Variants in BST1 observed in about 807,000 individuals in gnomAD.
BST1 encodes ADP-ribosyl cyclase/cyclic ADP-ribose hydrolase 2.
In BST1, 49 loss-of-function variants were observed where a neutral mutation model predicts 40.6. That is an observed-to-expected ratio of 1.21 (90% CI 0.96 to 1.53). The LOEUF (loss-of-function observed/expected upper bound fraction) is 1.53. Among genes scored for constraint, BST1 ranks in the 40% most tolerant of loss-of-function variants. The pLI is 0.00. For synonymous variants in BST1, 157 were observed against 159.3 expected, an observed-to-expected ratio of 0.99 and a Z score of 0.11; for missense variants, 423 against 395.9, an observed-to-expected ratio of 1.07 and a Z score of -0.58.
intron 2 of BST1, among the ~76,000 whole-genome samples, chr4:15,706,098 AC>A (rs761135394): frequency 5.9e-5 from 9 of 152,046 alleles, no homozygotes; most frequent in Admixed American, 2.0e-4. Flanking sequence ...GGGGAAATCC[AC>A]CCCCATAATC....
the BST1 span, among the ~76,000 whole-genome samples, chr4:15,760,799 C>T: frequency 1.3e-5 from 2 of 150,966 alleles, no homozygotes; most frequent in African/African-American, 4.9e-5. Flanking sequence ...GGTGATCCTC[C>T]TACTTCAGCC....
chr4:15,703,953 T>TGG (rs1719721868), intron 1 of BST1, among the ~76,000 whole-genome samples: 4 of 143,968 alleles, frequency 2.8e-5, no homozygotes, highest in South Asian at 2.3e-4. Flanking sequence ...GGTGTGTGTG[T>TGG]TCTAGAAGTG....
At chr4:15,707,808 T>G (rs1316205020) in intron 3 of BST1, among the ~76,000 whole-genome samples, 162 bp downstream of exon 3, 5 of 150,200 alleles carry the variant, frequency 3.3e-5, no homozygotes, top group Non-Finnish European at 7.4e-5. Flanking sequence ...TAGAGAATAC[T>G]TAACTTTGCA....
chr4:15,712,803 C>T (rs896571433), intron 4 of BST1, among the ~76,000 whole-genome samples: 4 of 152,186 alleles, frequency 2.6e-5, no homozygotes, highest in African/African-American at 9.7e-5. Context: ...ACCATTTGCT[C>T]CCACTACCTG....
At chr4:15,725,738 C>T (rs1721059168) in intron 8 of BST1, among the ~76,000 whole-genome samples, 1 of 152,132 alleles carries the variant, frequency 6.6e-6, no homozygotes, top group South Asian at 2.1e-4. Context: ...GTAGTAAGCA[C>T]TCTGTTCTTA....
At chr4:15,718,340 C>T (rs1720624583) in intron 6 of BST1, among the ~76,000 whole-genome samples, 3 of 151,978 alleles carry the variant, frequency 2.0e-5, no homozygotes, top group Admixed American at 6.6e-5. Context: ...AGCAGAGACC[C>T]TTTGCTTTAT....
downstream of BST1, among the ~76,000 whole-genome samples, chr4:15,740,775 C>A (rs965892222): frequency 3.3e-5 from 5 of 152,054 alleles, no homozygotes; most frequent in African/African-American, 1.2e-4. Flanking sequence ...TATTTACAAG[C>A]CAAACTATCC....
the BST1 span, among the ~76,000 whole-genome samples, chr4:15,745,667 A>G: frequency 2.8e-4 from 42 of 152,304 alleles, no homozygotes; most frequent in African/African-American, 1.0e-3. Context: ...TGCCTTCAAA[A>G]TCCAGAGAAA....
chr4:15,705,785 G>C (rs904150745), intron 2 of BST1, 144 bp downstream of exon 2: 4 of 1,093,888 alleles, frequency 3.7e-6, no homozygotes, highest in Non-Finnish European at 5.3e-6. Flanking sequence ...TGTGTGCTGA[G>C]CTCTCTGTGG....
the BST1 span, among the ~76,000 whole-genome samples, chr4:15,758,455 T>C: frequency 6.6e-6 from 1 of 152,194 alleles, no homozygotes; most frequent in Non-Finnish European, 1.5e-5. Context: ...TATCCTAAGC[T>C]ACATCTTTTG....
intron 6 of BST1, among the ~76,000 whole-genome samples, chr4:15,718,459 A>T (rs1292327633): frequency 6.6e-6 from 1 of 152,182 alleles, no homozygotes; most frequent in Non-Finnish European, 1.5e-5. Context: ...ATTTTTTAAA[A>T]TTTTTGTTTA....
chr4:15,748,979 C>T, the BST1 span, among the ~76,000 whole-genome samples: 6 of 152,282 alleles, frequency 3.9e-5, no homozygotes, highest in South Asian at 1.2e-3. Flanking sequence ...GGGAGGGAAG[C>T]AGCCCATAAA....
chr4:15,733,337 G>T (rs1721454237), downstream of BST1, among the ~76,000 whole-genome samples: 1 of 150,408 alleles, frequency 6.6e-6, no homozygotes, highest in South Asian at 2.1e-4. Flanking sequence ...GTGCTGACTG[G>T]TGCATTTACA....
chr4:15,724,829 A>G (rs1219424887), intron 8 of BST1, among the ~76,000 whole-genome samples: 1 of 152,192 alleles, frequency 6.6e-6, no homozygotes, highest in Non-Finnish European at 1.5e-5. Context: ...GTTCATGGCT[A>G]TCAAGAATAA....
intron 6 of BST1, among the ~76,000 whole-genome samples, chr4:15,716,686 C>G (rs180840813): frequency 6.6e-6 from 1 of 152,196 alleles, no homozygotes; most frequent in Admixed American, 6.5e-5. Flanking sequence ...TCTGCATTCC[C>G]CTTCTCAGAA....
chr4:15,735,990 A>G (rs1402597128), downstream of BST1: 9 of 1,024,148 alleles, frequency 8.8e-6, no homozygotes, highest in East Asian at 1.8e-4. Context: ...CTCATCTGTC[A>G]TACTGCACGC....
Position 15,715,291 on chromosome 4 carries a change from A to G in BST1, c.541A>G (p.Lys181Glu), listed in dbSNP as rs985516278. The change falls in exon 5 of 9, where the codon AAG becomes GAG. Residue 181 changes from lysine to glutamate, a missense_variant. Lys to Glu is a moderately conservative substitution (Grantham distance 56, BLOSUM62 1). Transcript: ENST00000265016. ...FWKRASIQYSKDSSGVIHVML... is the reference protein window; with the variant it reads ...FWKRASIQYSEDSSGVIHVML... The stretch of plus-strand genomic sequence containing the variant: ...TACTTGGTTCTTCTCGTAGTATTCC[A>G]AGGATAGTTCTGGGGTGATCCACGT... The G allele has an allele frequency of 6.2e-7, 1 of 1,614,086 alleles. No individual in the cohort carries two copies. Among genetic ancestry groups the G allele is most frequent in the African/African-American group, 1.3e-5 (1 of 75,056 alleles).
the BST1 span, among the ~76,000 whole-genome samples, chr4:15,767,768 T>C: frequency 6.6e-6 from 1 of 152,038 alleles, no homozygotes; most frequent in African/African-American, 2.4e-5. Context: ...AAAACACTTT[T>C]CCCTTCTAGT....
chr4:15,759,718 T>C, the BST1 span, among the ~76,000 whole-genome samples: 2 of 151,678 alleles, frequency 1.3e-5, no homozygotes, highest in African/African-American at 4.9e-5. Flanking sequence ...TGTCATGGGG[T>C]ACAGCACCAA....
Sources: gnomAD v4.1 joint callset for allele counts (sites outside exome capture counted in the v4.1 genomes callset) on GRCh38, gnomAD v4.1.1 for gene constraint, MANE v1.5 for transcripts, NCBI Gene and HGNC (gene_info 2026-07-23, HGNC 2026-07-21) for gene names.